Variants in PLAT observed in about 807,000 individuals in gnomAD.
PLAT encodes the protein plasminogen activator, tissue type.
In PLAT, 48 loss-of-function variants were observed where a neutral mutation model predicts 74.9. The ratio of observed to expected loss-of-function variants is 0.64; its 90% confidence interval spans 0.51 to 0.82. The LOEUF is 0.82. Among genes scored for constraint, PLAT ranks in the 40% least tolerant of loss-of-function variants. PLAT has a pLI of 0.00. For missense variants in PLAT, 673 were observed against 736.2 expected (o/e 0.91, Z 0.99); for synonymous variants, 307 against 294.4 (o/e 1.04, Z -0.44).
Position 42,175,872 on chromosome 8 carries a change from T to A in PLAT, c.*121A>T, listed in dbSNP as rs2129676102. On this transcript the variant is annotated 3_prime_UTR_variant, in exon 14 of 14. Coordinates refer to ENST00000220809, the MANE Select transcript of PLAT (RefSeq NM_000930.5). ...CTCTTCCCTCTCCTGTAGGGTCTCG[T>A]CCCGCTTCTGCGGTGTGGTGGGTCT... 2 of 933,904 alleles carry A rather than the reference T, an allele frequency of 2.1e-6. No individual in the cohort carries two copies. Among genetic ancestry groups the A allele is most frequent in the East Asian group, 5.0e-5 (2 of 39,992 alleles). 57.9% of individuals were successfully genotyped at this position (933,904 alleles called of 1,614,324 possible). A position where few individuals can be genotyped will look rare whatever the true frequency, so the allele number is the denominator to read the frequency against.
chr8:42,198,286 T>C (rs1051191883), intron 1 of PLAT, among the ~76,000 whole-genome samples: 3 of 152,134 alleles, frequency 2.0e-5, no homozygotes, highest in Non-Finnish European at 4.4e-5. Context: ...GGTCAGGAGT[T>C]CAAAACAAGC....
intron 1 of PLAT, chr8:42,195,828 A>G (rs1805883832): frequency 6.6e-6 from 1 of 152,008 alleles, no homozygotes; most frequent in African/African-American, 2.4e-5. Flanking sequence ...CCCACTCCTT[A>G]CTCTTAAGCA....
At chr8:42,179,845 TGA>T in intron 12 of PLAT, 79 bp downstream of exon 12, 1 of 1,394,018 alleles carries the variant, frequency 7.2e-7, no homozygotes, top group Non-Finnish European at 9.6e-7. Context: ...TTCGGTCTCC[TGA>T]CCCCATTTTC....
At chr8:42,180,876 C>T in intron 9 of PLAT, 191 bp from the exon 10 acceptor site, 1 of 533,556 alleles carries the variant, frequency 1.9e-6, no homozygotes. Flanking sequence ...ACGTTTTTGC[C>T]CAAGGTTGCA....
chr8:42,191,922 G>A (rs546940214), intron 2 of PLAT, among the ~76,000 whole-genome samples: 3 of 151,488 alleles, frequency 2.0e-5, no homozygotes, highest in Non-Finnish European at 4.4e-5. Context: ...TGTGTGTAGC[G>A]CTTCCATCTC....
intron 1 of PLAT, among the ~76,000 whole-genome samples, chr8:42,200,747 T>C (rs1806098963): frequency 6.6e-6 from 1 of 150,626 alleles, no homozygotes; most frequent in Non-Finnish European, 1.5e-5. Flanking sequence ...GCATCAGGAC[T>C]CAAGCCCAGG....
chr8:42,206,363 C>A (rs1420112094), intron 1 of PLAT, among the ~76,000 whole-genome samples: 1 of 152,180 alleles, frequency 6.6e-6, no homozygotes. Context: ...GCACAGGAAG[C>A]ACGCACCCAG....
At chr8:42,189,152 C>T (rs1805595639) in intron 3 of PLAT, 81 bp from the exon 4 acceptor site, 2 of 1,462,498 alleles carry the variant, frequency 1.4e-6, no homozygotes, top group Non-Finnish European at 9.5e-7. Flanking sequence ...ACTGAGAAAA[C>T]TCCCTCACTT....
At chr8:42,205,312 A>G (rs1415014244) in intron 1 of PLAT, among the ~76,000 whole-genome samples, 1 of 152,194 alleles carries the variant, frequency 6.6e-6, no homozygotes, top group Non-Finnish European at 1.5e-5. Context: ...GGATCACCTG[A>G]GGTCACGAGT....
chr8:42,184,998 G>A, intron 7 of PLAT, 83 bp downstream of exon 7: 1 of 857,918 alleles, frequency 1.2e-6, no homozygotes, highest in South Asian at 1.8e-5. Context: ...TCTCCCCTCA[G>A]GTGCAGGAGG....
chr8:42,199,978 A>G (rs936111824), intron 1 of PLAT, among the ~76,000 whole-genome samples: 3 of 152,314 alleles, frequency 2.0e-5, no homozygotes, highest in East Asian at 1.9e-4. Flanking sequence ...CCAACTCCAC[A>G]TTTCAACACA....
intron 1 of PLAT, among the ~76,000 whole-genome samples, chr8:42,206,283 G>A (rs1363964645): frequency 6.6e-6 from 1 of 152,170 alleles, no homozygotes; most frequent in Non-Finnish European, 1.5e-5. Flanking sequence ...ATAAATGGGT[G>A]GGCAGGATGG....
Position 42,180,062 on chromosome 8 carries a change from C to G in PLAT, c.1227G>C (p.Leu409=). Residue 409 remains leucine, a synonymous_variant, in exon 12 of 14, where the codon CTG becomes CTC. Coordinates refer to ENST00000220809, the MANE Select transcript of PLAT (RefSeq NM_000930.5). ...DDDTYDNDIA[L]LQLKSDSSRC... ...GGGACGAATCCGATTTCAGCTGCAG[C>G]AGCGCTGGGAGGGAGAAAGGAGGAG... 1 of 1,604,522 alleles carries G rather than the reference C, an allele frequency of 6.2e-7. No homozygotes were observed. Among genetic ancestry groups the G allele is most frequent in the Non-Finnish European group, 8.5e-7 (1 of 1,173,506 alleles).
chr8:42,183,236 C>T (rs1164150846), intron 7 of PLAT, among the ~76,000 whole-genome samples: 1 of 152,216 alleles, frequency 6.6e-6, no homozygotes, highest in Non-Finnish European at 1.5e-5. Context: ...CTCCTAACAT[C>T]AGGTGATCTG....
In PLAT at chr8:42,188,930, A is replaced by C. The variant is rs915734239; in HGVS notation, c.253+4T>G. The C allele has an allele frequency of 1.2e-6, 2 of 1,612,070 alleles. No individual in the cohort carries two copies. The highest frequency in any genetic ancestry group is 2.7e-5 in the African/African-American group (2 of 74,862). ...ATGCACCACCTCCCAGCCTCAGTAC[A>C]TACTTTTGACAGGCACTGAGTGGCA... is the stretch of plus-strand genomic sequence containing the variant. On this transcript the variant is annotated splice_donor_region_variant and intron_variant, in intron 4 of 13. Transcript: ENST00000220809.
chr8:42,203,869 G>A lies in PLAT; in HGVS notation c.-27+3625C>T, dbSNP rs150819076. Among the ~76,000 whole-genome samples the A allele has an allele frequency of 9.7e-4, 148 of 151,844 alleles. 2 individuals are homozygous for A. The East Asian group carries it at 0.025, about 25-fold the overall frequency. ...TAGTCCTAGCTACTTGGGAGGCTGA[G>A]ATGGAGGATCACTTGAGCCCAGGAG... On this transcript the variant is annotated intron_variant, in intron 1 of 13. Coordinates refer to ENST00000220809, the MANE Select transcript of PLAT (RefSeq NM_000930.5).
rs147588175 is a variant in PLAT at position 42,187,522 on chromosome 8, A to C, written c.415T>G (p.Trp139Gly). Residue 139 changes from tryptophan (W) to glycine (G), a missense_variant, in exon 6 of 14, where the codon TGG becomes GGG. Transcript: ENST00000220809. ...EDQGISYRGTWSTAESGAECT... is the reference protein window; with the variant it reads ...EDQGISYRGTGSTAESGAECT... ...TCGGCGCCACTCTCCGCTGTGCTCC[A>C]CGTGCCCCTGTAGCTGATGCCCTGG... 1 of 1,611,374 alleles carries C rather than the reference A, an allele frequency of 6.2e-7. No individual in the cohort carries two copies. The highest frequency in any genetic ancestry group is 8.5e-7 in the Non-Finnish European group (1 of 1,179,186).
Position 42,175,629 on chromosome 8 carries a change from G to T in PLAT, c.*364C>A. The T allele has an allele frequency of 5.3e-6, 1 of 190,252 alleles. No individual in the cohort carries two copies. Among genetic ancestry groups the T allele is most frequent in the Non-Finnish European group, 1.1e-5 (1 of 91,764 alleles). 11.8% of individuals were successfully genotyped at this position (190,252 alleles called of 1,614,324 possible). A position where few individuals can be genotyped will look rare whatever the true frequency, so the allele number is the denominator to read the frequency against. On this transcript the variant is annotated 3_prime_UTR_variant, in exon 14 of 14. Transcript: ENST00000220809. ...TTGTTATCTTTTACTATTGAGACAT[G>T]CTTTCATTTTTGTGGTCCTGTTTCC...
At position 42,189,050 on chromosome 8, in the gene PLAT, G is replaced by GT; in HGVS notation, c.136dup (p.Thr46AsnfsTer75). 6.2e-7 allele frequency: 1 copy of GT among 1,613,804 alleles called. No homozygotes were observed. The highest frequency in any genetic ancestry group is 1.1e-5 in the South Asian group (1 of 91,074). On this transcript the variant is annotated frameshift_variant, in exon 4 of 14. Coordinates refer to ENST00000220809, the MANE Select transcript of PLAT (RefSeq NM_000930.5). LOFTEE classifies it high-confidence loss of function. Reference sequence around the variant, plus strand: ...CTGATGTTGCTGGTATATCATCTGCGTTTTTTCATCTCTGCAGATCACTAT... The same window carrying GT: ...CTGATGTTGCTGGTATATCATCTGCGTTTTTTTCATCTCTGCAGATCACTAT...
Sources: allele counts gnomAD v4.1 joint callset (sites outside exome capture counted in the v4.1 genomes callset), GRCh38; gene constraint gnomAD v4.1.1; transcripts MANE v1.5; gene names NCBI Gene and HGNC (gene_info 2026-07-23, HGNC 2026-07-21).